TBC1D4: variants seen among roughly 807,000 people sequenced by gnomAD.
The protein encoded by TBC1D4 is TBC (Tre-2, BUB2, CDC16) domain-containing protein.
Under a neutral mutation model 142.5 loss-of-function variants are expected in TBC1D4, and 121 were observed. The ratio of observed to expected loss-of-function variants is 0.85; its 90% CI spans 0.73 to 0.99. The LOEUF (loss-of-function observed/expected upper bound fraction) is 0.99, where lower values mean the gene tolerates loss of function less well. TBC1D4 is among the 50% of genes least tolerant of loss of function. The pLI, the probability that TBC1D4 is intolerant of heterozygous loss-of-function variation, is 0.00. For missense variants in TBC1D4, 1,475 were observed against 1,606.6 expected (o/e 0.92, Z 1.40); for synonymous variants, 630 against 628.2 (o/e 1.00, Z -0.04).
At chr13:75,408,427 G>T (rs1158024154) in intron 1 of TBC1D4, among the ~76,000 whole-genome samples, 1 of 152,146 alleles carries the variant, frequency 6.6e-6, no homozygotes, top group Non-Finnish European at 1.5e-5. Flanking sequence ...ACATACGAGG[G>T]TTATTTTTGG....
At chr13:75,295,764 TAACA>T (rs1875848544) in intron 17 of TBC1D4, among the ~76,000 whole-genome samples, 1 of 152,202 alleles carries the variant, frequency 6.6e-6, no homozygotes, top group African/African-American at 2.4e-5. Context: ...CAGTAGTAAG[TAACA>T]AACAAATTTG....
intron 7 of TBC1D4, among the ~76,000 whole-genome samples, chr13:75,337,499 G>A (rs1357048761): frequency 2.0e-5 from 3 of 152,106 alleles, no homozygotes; most frequent in Non-Finnish European, 4.4e-5. Flanking sequence ...ATTTTCATTC[G>A]TGAGTGGGTC....
intron 3 of TBC1D4, among the ~76,000 whole-genome samples, chr13:75,358,827 G>A (rs1460329077): frequency 1.3e-5 from 2 of 152,078 alleles, no homozygotes; most frequent in Non-Finnish European, 2.9e-5. Flanking sequence ...TCACGCCACT[G>A]CAATCCAGCC....
intron 1 of TBC1D4, among the ~76,000 whole-genome samples, chr13:75,456,785 T>C (rs1226311153): frequency 6.7e-6 from 1 of 149,468 alleles, no homozygotes; most frequent in Non-Finnish European, 1.5e-5. Flanking sequence ...GCAATTCCTC[T>C]CCTAGGCATA....
intron 12 of TBC1D4, 127 bp from the exon 13 acceptor site, chr13:75,313,025 A>G (rs563795296): frequency 9.8e-7 from 1 of 1,020,294 alleles, no homozygotes; most frequent in East Asian, 2.6e-5. Context: ...GGCAACATGG[A>G]GCAATGCATC....
At position 75,481,655 on chromosome 13, in the gene TBC1D4, A is replaced by G; in HGVS notation, c.113T>C (p.Leu38Pro). 6 of 1,603,054 alleles carry G rather than the reference A, an allele frequency of 3.7e-6. No homozygotes were observed. The highest frequency in any genetic ancestry group is 4.3e-6 in the Non-Finnish European group (5 of 1,174,970). ...PGKPSDKRFR[L>P]WYVGGSCLDH... Reference sequence around the variant, plus strand: ...CAGGCACGACCCCCCAACGTACCACAGCCGGAACCGCTTATCGCTTGGCTT... The same window carrying G: ...CAGGCACGACCCCCCAACGTACCACGGCCGGAACCGCTTATCGCTTGGCTT... Residue 38 changes from leucine (L) to proline (P), a missense_variant, in exon 1 of 21, where the codon CTG becomes CCG. Transcript: ENST00000377636.
At chr13:75,300,312 G>A (rs993545521) in intron 16 of TBC1D4, among the ~76,000 whole-genome samples, 1 of 151,880 alleles carries the variant, frequency 6.6e-6, no homozygotes, top group African/African-American at 2.4e-5. Flanking sequence ...TGTGAGTCCT[G>A]CATCACTAAA....
rs1888882540 is a variant in TBC1D4, at chr13:75,481,600, G to A, written c.168C>T (p.Pro56=). The change falls in exon 1 of 21, where the codon CCC becomes CCT. Residue 56 remains proline, a synonymous_variant. Transcript: ENST00000377636. Reference sequence around the variant, plus strand: ...GCCTGCGGATCTCGGCCATGAGCCAGGGCAGCATAGGCAGCGTGGTCCTGT... The same window carrying A: ...GCCTGCGGATCTCGGCCATGAGCCAAGGCAGCATAGGCAGCGTGGTCCTGT... ...LDHRTTLPML[P]WLMAEIRRRS... is the part of the protein sequence containing the mutation. 6.2e-7 allele frequency: 1 copy of A among 1,608,222 alleles called. No homozygotes were observed. The highest frequency in any genetic ancestry group is 8.5e-7 in the Non-Finnish European group (1 of 1,177,752).
intron 1 of TBC1D4, among the ~76,000 whole-genome samples, chr13:75,373,243 T>G (rs773827575): frequency 1.3e-4 from 20 of 152,178 alleles, no homozygotes; most frequent in Non-Finnish European, 2.9e-4. Flanking sequence ...CCTTCCACAT[T>G]ACTTCAGATA....
chr13:75,472,934 A>G (rs562939641), intron 1 of TBC1D4, among the ~76,000 whole-genome samples: 1 of 152,344 alleles, frequency 6.6e-6, no homozygotes, highest in South Asian at 2.1e-4. Context: ...GACTGAAACC[A>G]AGGCAAGAGA....
chr13:75,402,724 G>T (rs1432182248), intron 1 of TBC1D4, among the ~76,000 whole-genome samples: 1 of 149,264 alleles, frequency 6.7e-6, no homozygotes, highest in African/African-American at 2.5e-5. Context: ...GTGATGAAAA[G>T]ATTTCTAACA....
chr13:75,370,691 G>A (rs765846438), intron 1 of TBC1D4, among the ~76,000 whole-genome samples: 18 of 152,140 alleles, frequency 1.2e-4, no homozygotes, highest in Admixed American at 6.5e-4. Flanking sequence ...ATCAGGAGCC[G>A]CGTTTTGGAC....
chr13:75,431,322 G>A (rs959854081), intron 1 of TBC1D4, among the ~76,000 whole-genome samples: 4 of 152,132 alleles, frequency 2.6e-5, no homozygotes, highest in Non-Finnish European at 5.9e-5. Flanking sequence ...ATGGGTGCTA[G>A]GGTTATAGAA....
chr13:75,374,951 C>T (rs1413985348), intron 1 of TBC1D4, among the ~76,000 whole-genome samples: 1 of 152,140 alleles, frequency 6.6e-6, no homozygotes, highest in Non-Finnish European at 1.5e-5. Context: ...CCAATCTTCC[C>T]ATCCACCTGC....
intron 5 of TBC1D4, among the ~76,000 whole-genome samples, chr13:75,342,191 C>T (rs1400533725): frequency 2.0e-5 from 3 of 151,626 alleles, no homozygotes; most frequent in Non-Finnish European, 4.4e-5. Context: ...AGTGAGACTC[C>T]ATCTCAAAAC....
intron 8 of TBC1D4, among the ~76,000 whole-genome samples, chr13:75,333,957 G>A (rs1009217049): frequency 6.6e-6 from 1 of 152,164 alleles, no homozygotes; most frequent in Non-Finnish European, 1.5e-5. Flanking sequence ...CACAGAAGCA[G>A]TTCTGTTTCT....
chr13:75,347,707 C>T (rs78054699), intron 5 of TBC1D4, among the ~76,000 whole-genome samples: 67 of 152,288 alleles, frequency 4.4e-4, no homozygotes, highest in African/African-American at 1.5e-3. Flanking sequence ...GTGACTGGCA[C>T]CCGTTGACAC....
rs693134 is a variant in TBC1D4 at position 75,336,773 on chromosome 13, C to A, written c.1731+148G>T. 0.47 allele frequency: 490,778 copies of A among 1,051,848 alleles called. 118,864 individuals carry two copies. The highest frequency in any genetic ancestry group is 0.69 in the South Asian group (41,670 of 60,372). The allele number at this position is 1,051,848 out of a possible 1,614,324, so 65.2% of individuals were successfully genotyped here. A position where few individuals can be genotyped will look rare whatever the true frequency, so the allele number is the denominator to read the frequency against. ...CAAAAAAACAAAAGAAAAAAAGATC[C>A]TTTTGTTAAATAATTTTTAAAAGTT... On this transcript the variant is annotated intron_variant, in intron 8 of 20. Transcript: ENST00000377636.
chr13:75,390,824 GGATA>G (rs2138300047), intron 1 of TBC1D4, among the ~76,000 whole-genome samples: 1 of 133,466 alleles, frequency 7.5e-6, no homozygotes, highest in South Asian at 2.8e-4. Context: ...GTGTGAGGAT[GGATA>G]GATAGATAAG....
Sources: allele counts gnomAD v4.1 joint callset (sites outside exome capture counted in the v4.1 genomes callset), GRCh38; gene constraint gnomAD v4.1.1; transcripts MANE v1.5; gene names NCBI Gene and HGNC (gene_info 2026-07-23, HGNC 2026-07-21).